The following CDH13 variants were observed in gnomAD, a reference collection of about 807,000 sequenced individuals.
The protein encoded by CDH13 is cadherin 13, also known as cadherin-13.
In CDH13, 24 loss-of-function variants were observed where a neutral mutation model predicts 63.8. The observed-to-expected ratio is 0.38, with a 90% CI of 0.27 to 0.53. CDH13 has a LOEUF of 0.53. Ranked by LOEUF, CDH13 falls within the 20% of genes least tolerant of loss-of-function variation. CDH13 has a pLI of 0.85. For synonymous variants in CDH13, 503 were observed against 355.3 expected (o/e 1.42, Z -4.67); for missense variants, 1,049 against 903.1 (o/e 1.16, Z -2.07).
At chr16:83,678,843 T>C (rs1342659402) in intron 10 of CDH13, among the ~76,000 whole-genome samples, 1 of 152,232 alleles carries the variant, frequency 6.6e-6, no homozygotes. Flanking sequence ...ACAAAGGTTT[T>C]GCTAACTCCG....
At position 83,126,769 on chromosome 16, in the gene CDH13, G is replaced by A. The variant is rs990963628; in HGVS notation, c.483+1268G>A. Among the ~76,000 whole-genome samples the A allele has an allele frequency of 6.6e-5, 10 of 152,344 alleles. No individual in the cohort carries two copies. In the East Asian group the frequency reaches 9.7e-4, roughly 15 times the overall value. ...ATGAATGATCTTAATGGCAGTTGCT[G>A]TTGAACTACTAATTCATTAAATACA... On this transcript the variant is annotated intron_variant, in intron 4 of 13. Transcript: ENST00000567109.
intron 2 of CDH13, among the ~76,000 whole-genome samples, chr16:82,918,498 C>G (rs558863196): frequency 6.9e-6 from 1 of 145,370 alleles, no homozygotes; most frequent in East Asian, 2.0e-4. Context: ...AAGGTATGTA[C>G]ACTTTCACTT....
intron 6 of CDH13, among the ~76,000 whole-genome samples, chr16:83,424,360 C>T (rs1402425569): frequency 6.6e-6 from 1 of 152,206 alleles, no homozygotes; most frequent in Non-Finnish European, 1.5e-5. Flanking sequence ...ACGTGGTTAG[C>T]ATTGGTTGCA....
chr16:82,740,210 G>C (rs2033866518), intron 1 of CDH13, among the ~76,000 whole-genome samples: 1 of 152,180 alleles, frequency 6.6e-6, no homozygotes, highest in African/African-American at 2.4e-5. Context: ...TATAATGCAT[G>C]CCATCCCAAC....
chr16:83,024,205 G>T (rs1174667773), intron 2 of CDH13, among the ~76,000 whole-genome samples: 1 of 152,034 alleles, frequency 6.6e-6, no homozygotes, highest in Admixed American at 6.6e-5. Flanking sequence ...GGTTTTAGTG[G>T]ATACAAGGAC....
intron 7 of CDH13, among the ~76,000 whole-genome samples, chr16:83,574,687 C>T (rs1904945285): frequency 6.6e-6 from 1 of 152,192 alleles, no homozygotes; most frequent in Admixed American, 6.5e-5. Context: ...CTCTTCCCCT[C>T]CCACTTCAGT....
intron 4 of CDH13, among the ~76,000 whole-genome samples, chr16:83,164,534 A>C (rs2037580055): frequency 6.6e-6 from 1 of 152,028 alleles, no homozygotes; most frequent in Non-Finnish European, 1.5e-5. Context: ...CAGCCTGGCC[A>C]ACATGGTGAA....
intron 10 of CDH13, among the ~76,000 whole-genome samples, chr16:83,717,524 C>T (rs1299295087): frequency 1.3e-5 from 2 of 152,230 alleles, no homozygotes; most frequent in Non-Finnish European, 2.9e-5. Flanking sequence ...ACGACACCAT[C>T]AGGAAGAAAC....
chr16:83,577,590 G>T (rs531534173), intron 7 of CDH13, among the ~76,000 whole-genome samples: 126 of 152,152 alleles, frequency 8.3e-4, no homozygotes, highest in Non-Finnish European at 1.4e-3. Flanking sequence ...TTGGTTCAGG[G>T]AATGGTTGTC....
chr16:82,865,514 C>A (rs116615000), intron 2 of CDH13, among the ~76,000 whole-genome samples: 3,475 of 152,334 alleles, frequency 0.023, 122 homozygotes, highest in African/African-American at 0.077. Flanking sequence ...CCCTCTGAAA[C>A]AATAGCCTGA....
intron 5 of CDH13, among the ~76,000 whole-genome samples, chr16:83,284,273 G>A (rs2089255132): frequency 6.6e-6 from 1 of 152,210 alleles, no homozygotes; most frequent in African/African-American, 2.4e-5. Context: ...AATCTGAGTA[G>A]TCAAAGCAGA....
intron 2 of CDH13, among the ~76,000 whole-genome samples, chr16:82,945,498 T>G (rs940375500): frequency 6.6e-6 from 1 of 152,206 alleles, no homozygotes; most frequent in Admixed American, 6.5e-5. Flanking sequence ...ATCGGTAGTT[T>G]CTACGAGGAT....
intron 1 of CDH13, among the ~76,000 whole-genome samples, chr16:82,673,801 G>A (rs1165553704): frequency 6.6e-6 from 1 of 152,202 alleles, no homozygotes; most frequent in Non-Finnish European, 1.5e-5. Context: ...CTTGACATAT[G>A]CATACAAGCT....
In CDH13 at chr16:83,783,236, C is replaced by T. The variant is rs1207900717; in HGVS notation, c.1916-18C>T. ...AAAGTCTCATCCACTCTCACCAGAA[C>T]CCTCCTTGCCTTTACAGATACACAC... On this transcript the variant is annotated intron_variant, in intron 12 of 13. Transcript: ENST00000567109. 1 of 1,581,484 alleles carries T rather than the reference C, an allele frequency of 6.3e-7. No homozygotes were observed. The highest frequency in any genetic ancestry group is 2.2e-5 in the East Asian group (1 of 44,716).
At chr16:82,782,858 G>A (rs985684546) in intron 1 of CDH13, among the ~76,000 whole-genome samples, 7 of 151,896 alleles carry the variant, frequency 4.6e-5, no homozygotes, top group African/African-American at 1.7e-4. Context: ...TCTGCGCAGG[G>A]GCCTGGGCGA....
chr16:82,638,415 G>C (rs142130990), intron 1 of CDH13, among the ~76,000 whole-genome samples: 1 of 152,130 alleles, frequency 6.6e-6, no homozygotes, highest in East Asian at 1.9e-4. Context: ...GTTTTCCCCT[G>C]TATTAAAACA....
At chr16:83,568,199 A>T (rs1311281880) in intron 7 of CDH13, among the ~76,000 whole-genome samples, 3 of 152,224 alleles carry the variant, frequency 2.0e-5, no homozygotes, top group Non-Finnish European at 4.4e-5. Flanking sequence ...AGGAAAAAAA[A>T]AAGCTGATCT....
chr16:83,542,928 C>G (rs2075320380), intron 7 of CDH13, among the ~76,000 whole-genome samples: 1 of 152,312 alleles, frequency 6.6e-6, no homozygotes, highest in Admixed American at 6.5e-5. Context: ...ATATTAAGGG[C>G]TAAGACAATC....
chr16:83,727,269 G>A (rs371096020), intron 10 of CDH13, among the ~76,000 whole-genome samples: 10 of 142,648 alleles, frequency 7.0e-5, no homozygotes, highest in African/African-American at 2.8e-4. Context: ...AATGAAATCA[G>A]CTAACATGTG....
Sources: allele counts gnomAD v4.1 joint callset (sites outside exome capture counted in the v4.1 genomes callset), GRCh38; gene constraint gnomAD v4.1.1; transcripts MANE v1.5; gene names NCBI Gene and HGNC (gene_info 2026-07-23, HGNC 2026-07-21).